The following DNAH7 variants were observed in gnomAD, a reference collection of about 807,000 sequenced individuals.
DNAH7 encodes axonemal beta dynein heavy chain 7.
A neutral mutation model predicts 444.6 loss-of-function variants in DNAH7; 397 were observed. The ratio of observed to expected loss-of-function variants is 0.89; its 90% confidence interval spans 0.82 to 0.97. The LOEUF (loss-of-function observed/expected upper bound fraction) is 0.97, where lower values mean the gene tolerates loss of function less well. Ranked by LOEUF, DNAH7 falls within the 50% of genes least tolerant of loss-of-function variation. The pLI is 0.00. For synonymous variants in DNAH7, 1,636 were observed against 1,624.4 expected (o/e 1.01, Z -0.17); for missense variants, 4,902 against 4,800.8 (o/e 1.02, Z -0.62).
In DNAH7 at chr2:195,737,890, G is replaced by T. The variant is rs1479253345; in HGVS notation, c.*31C>A. 8.1e-6 allele frequency: 13 copies of T among 1,602,630 alleles called. No individual in the cohort carries two copies. The highest frequency in any genetic ancestry group is 1.7e-4 in the Middle Eastern group (1 of 6,046). On this transcript the variant is annotated 3_prime_UTR_variant, in exon 65 of 65. Transcript: ENST00000312428. ...CTTTCTCTACTCAGCCAGCCAACAA[G>T]AAATAGGAACAAGGAAATGATGTCT...
intron 49 of DNAH7, 100 bp from the exon 50 acceptor site, chr2:195,817,929 T>C: frequency 1.2e-6 from 1 of 800,858 alleles, no homozygotes. Context: ...CTCTATTTAC[T>C]ATATATGGTA....
At chr2:195,838,851 T>C (rs1698525289) in intron 47 of DNAH7, among the ~76,000 whole-genome samples, 1 of 151,888 alleles carries the variant, frequency 6.6e-6, no homozygotes, top group African/African-American at 2.4e-5. Flanking sequence ...GGGGGACATA[T>C]GCAACAACAA....
chr2:195,745,785 C>T (rs941196971), intron 63 of DNAH7, among the ~76,000 whole-genome samples: 14 of 152,274 alleles, frequency 9.2e-5, no homozygotes, highest in South Asian at 2.1e-4. Context: ...AAATACTTTA[C>T]CGACAAGCAA....
chr2:195,900,553 A>C, intron 27 of DNAH7, 59 bp from the exon 28 acceptor site: 1 of 1,478,260 alleles, frequency 6.8e-7, no homozygotes, highest in Non-Finnish European at 9.4e-7. Context: ...CTAGGCATGG[A>C]AAGATAAATA....
At chr2:196,014,124 T>C (rs1012038215) in intron 9 of DNAH7, among the ~76,000 whole-genome samples, 2 of 152,188 alleles carry the variant, frequency 1.3e-5, no homozygotes, top group Admixed American at 6.6e-5. Context: ...GTCAATAGGA[T>C]GAATTGTTAA....
chr2:196,018,903 TGC>T (rs1695192204), intron 9 of DNAH7, among the ~76,000 whole-genome samples: 1 of 152,166 alleles, frequency 6.6e-6, no homozygotes, highest in East Asian at 1.9e-4. Flanking sequence ...AATCATTGCA[TGC>T]CTCTACCAAA....
At chr2:195,768,593 G>T (rs951380639) in intron 61 of DNAH7, among the ~76,000 whole-genome samples, 1 of 151,824 alleles carries the variant, frequency 6.6e-6, no homozygotes, top group Admixed American at 6.6e-5. Flanking sequence ...ATTTTTACTG[G>T]TATTACCAAG....
chr2:196,030,265 G>A (rs1227669428), intron 5 of DNAH7, among the ~76,000 whole-genome samples: 2 of 152,210 alleles, frequency 1.3e-5, no homozygotes, highest in East Asian at 3.8e-4. Context: ...CAGATCCCAT[G>A]AGACTTACTC....
At chr2:195,766,167 ATTT>A (rs755912873) in intron 61 of DNAH7, among the ~76,000 whole-genome samples, 44 of 57,322 alleles carry the variant, frequency 7.7e-4, no homozygotes, top group Admixed American at 5.5e-3. Context: ...GTGGGAGCTA[ATTT>A]TTTTTTTTTT....
At chr2:195,852,915 CAGAGAGAG>C (rs201538951) in intron 46 of DNAH7, among the ~76,000 whole-genome samples, 3,672 of 84,578 alleles carry the variant, frequency 0.043, 158 homozygotes, top group African/African-American at 0.11. Context: ...CACACACACA[CAGAGAGAG>C]AGAGAGAGAG....
chr2:195,777,581 T>G (rs2105951883), intron 59 of DNAH7, among the ~76,000 whole-genome samples: 1 of 152,276 alleles, frequency 6.6e-6, no homozygotes, highest in African/African-American at 2.4e-5. Context: ...TGAAAAAGCG[T>G]GAGACACGTT....
At chr2:196,053,339 T>C (rs1487212284) in intron 2 of DNAH7, among the ~76,000 whole-genome samples, 1 of 152,246 alleles carries the variant, frequency 6.6e-6, no homozygotes, top group African/African-American at 2.4e-5. Context: ...GGGTGAACTT[T>C]AGTCTCAGTT....
At chr2:195,933,536 T>C (rs1384624475) in intron 21 of DNAH7, among the ~76,000 whole-genome samples, 1 of 152,118 alleles carries the variant, frequency 6.6e-6, no homozygotes, top group Non-Finnish European at 1.5e-5. Flanking sequence ...TAAGAAAATG[T>C]GGCACATATA....
In DNAH7 at chr2:195,960,906, G is replaced by A. The variant is rs1691049255; in HGVS notation, c.2245C>T (p.Leu749=). 6.2e-7 allele frequency: 1 copy of A among 1,608,310 alleles called. No homozygotes were observed. Among genetic ancestry groups the A allele is most frequent in the South Asian group, 1.1e-5 (1 of 90,370 alleles). ...FNAEEEAFGW[L]PSVYPQRKKI... Reference sequence around the variant, plus strand: ...TTACGTTGAGGATATACAGATGGTAGCCAACCAAATGCTTCCTCTTCAGCA... The same window carrying A: ...TTACGTTGAGGATATACAGATGGTAACCAACCAAATGCTTCCTCTTCAGCA... Residue 749 remains leucine (L), a synonymous_variant, in exon 18 of 65, where the codon CTA becomes TTA. Coordinates refer to ENST00000312428, the MANE Select transcript of DNAH7 (RefSeq NM_018897.3).
chr2:195,802,346 A>C (rs1696503552), intron 54 of DNAH7, among the ~76,000 whole-genome samples: 1 of 152,216 alleles, frequency 6.6e-6, no homozygotes, highest in Non-Finnish European at 1.5e-5. Flanking sequence ...CCCTGTCTCT[A>C]CTAAAAATAT....
chr2:195,954,269 C>A (rs534301299), intron 19 of DNAH7, among the ~76,000 whole-genome samples: 1 of 152,138 alleles, frequency 6.6e-6, no homozygotes, highest in South Asian at 2.1e-4. Flanking sequence ...TGAGTGAGAA[C>A]ATGTGGTGTT....
intron 61 of DNAH7, among the ~76,000 whole-genome samples, chr2:195,762,622 A>G (rs1190370952): frequency 6.6e-6 from 1 of 152,202 alleles, no homozygotes; most frequent in African/African-American, 2.4e-5. Flanking sequence ...AAAACTACAA[A>G]AAGAGACCAA....
chr2:195,740,625 A>G (rs1319809784), intron 64 of DNAH7, 141 bp downstream of exon 64: 1,192 of 76,532 alleles, frequency 0.016, 27 homozygotes, highest in African/African-American at 0.09. Flanking sequence ...GTATATATAT[A>G]TATATATATA....
intron 20 of DNAH7, 87 bp downstream of exon 20, chr2:195,936,512 A>ATT (rs1296650625): frequency 2.5e-6 from 2 of 802,258 alleles, no homozygotes; most frequent in African/African-American, 1.8e-5. Flanking sequence ...TATAAACATG[A>ATT]TTATATATAT....
Sources: gnomAD v4.1 joint callset for allele counts (sites outside exome capture counted in the v4.1 genomes callset) on GRCh38, gnomAD v4.1.1 for gene constraint, MANE v1.5 for transcripts, NCBI Gene and HGNC (gene_info 2026-07-23, HGNC 2026-07-21) for gene names.